NOX3: variants seen among roughly 807,000 people sequenced by gnomAD.
The protein encoded by NOX3 is NADPH oxidase catalytic subunit-like 3.
A neutral mutation model predicts 76.7 loss-of-function variants in NOX3; 74 were observed. The observed-to-expected ratio is 0.96, with a 90% CI of 0.80 to 1.17. NOX3 has a LOEUF of 1.17. Among genes scored for constraint, NOX3 ranks in the 50% most tolerant of loss-of-function variants. The pLI is 0.00. For synonymous variants in NOX3, 263 were observed against 261.1 expected (o/e 1.01, Z -0.07); for missense variants, 695 against 703.3 (o/e 0.99, Z 0.13).
chr6:155,441,142 A>T (rs1349191602), intron 5 of NOX3, among the ~76,000 whole-genome samples: 1 of 152,154 alleles, frequency 6.6e-6, no homozygotes, highest in Non-Finnish European at 1.5e-5. Flanking sequence ...TTTCATTGTG[A>T]GTTTCCCATG....
chr6:155,423,301 CT>C (rs1207797242), intron 9 of NOX3, among the ~76,000 whole-genome samples: 1 of 152,174 alleles, frequency 6.6e-6, no homozygotes, highest in African/African-American at 2.4e-5. Context: ...TCATTCTCCC[CT>C]GTTTACATTT....
rs761321329 is a variant in NOX3, at chr6:155,428,985, C to A, written c.954G>T (p.Ala318=). The A allele has an allele frequency of 5.6e-6, 9 of 1,612,616 alleles. No individual in the cohort carries two copies. Among genetic ancestry groups the A allele is most frequent in the Admixed American group, 5.0e-5 (3 of 59,928 alleles). Residue 318 remains alanine, a synonymous_variant, in exon 9 of 14, where the codon GCG becomes GCT. Transcript: ENST00000159060. ...LHMKKRGFKM[A]PGQYILVQCP... ...ACTGCACCAAGATGTACTGCCCTGG[C>A]GCCATTTTAAAGCCACGCTTTTTCA...
rs1439842517 is a variant in NOX3, at chr6:155,428,817, G to A, written c.1122C>T (p.Leu374=). 1 of 1,537,104 alleles carries A rather than the reference G, an allele frequency of 6.5e-7. No individual in the cohort carries two copies. Among genetic ancestry groups the A allele is most frequent in the Non-Finnish European group, 8.8e-7 (1 of 1,137,852 alleles). Residue 374 remains leucine, a synonymous_variant, in exon 9 of 14, where the codon CTC becomes CTT. Coordinates refer to ENST00000159060, the MANE Select transcript of NOX3 (RefSeq NM_015718.3). ...ACCTTGGCAGGCTCCAGGGCTCCTG[G>A]AGGGCCTGTCCCTCTGCCCCAAAGG... The part of the protein sequence containing the change: ...LEAFGAEGQA[L]QEPWSLPRLA...
intron 6 of NOX3, among the ~76,000 whole-genome samples, chr6:155,437,329 T>C (rs1317700988): frequency 2.6e-5 from 4 of 152,322 alleles, no homozygotes; most frequent in African/African-American, 9.6e-5. Context: ...CCTAGGTGTT[T>C]GTGAATGAAA....
intron 13 of NOX3, among the ~76,000 whole-genome samples, chr6:155,396,260 G>T (rs996516703): frequency 6.6e-6 from 1 of 152,116 alleles, no homozygotes; most frequent in Non-Finnish European, 1.5e-5. Context: ...TGATTTCTCC[G>T]GTCTACAGAG....
intron 12 of NOX3, among the ~76,000 whole-genome samples, chr6:155,398,265 G>T (rs1190942753): frequency 7.0e-6 from 1 of 143,008 alleles, no homozygotes; most frequent in East Asian, 2.1e-4. Flanking sequence ...AGGATCTCGG[G>T]TGGTGTTGAG....
In NOX3 at chr6:155,440,147, A is replaced by C. The variant is rs772004233; in HGVS notation, c.487-10T>G. ...ATTCAGTGGTTGTGTTCTAAAAAAA[A>C]CAACAACAACAAAAAAAGAAACAAA... On this transcript the variant is annotated splice_polypyrimidine_tract_variant and intron_variant, in intron 5 of 13. Transcript: ENST00000159060. The C allele has an allele frequency of 5.8e-6, 9 of 1,543,512 alleles. No homozygotes were observed. The highest frequency in any genetic ancestry group is 5.0e-5 in the South Asian group (4 of 80,718).
chr6:155,432,070 A>T (rs551417854), intron 7 of NOX3, among the ~76,000 whole-genome samples: 4 of 152,010 alleles, frequency 2.6e-5, no homozygotes, highest in African/African-American at 9.6e-5. Context: ...TAAAATTTTT[A>T]TTGTTTTCAA....
intron 5 of NOX3, among the ~76,000 whole-genome samples, chr6:155,441,991 G>A (rs1042393419): frequency 9.2e-5 from 14 of 152,156 alleles, no homozygotes; most frequent in African/African-American, 1.4e-4. Flanking sequence ...CAAGCCGAGC[G>A]CGGTGGCTCA....
intron 9 of NOX3, 92 bp from the exon 10 acceptor site, chr6:155,422,948 G>C (rs191838694): frequency 1.6e-6 from 2 of 1,280,382 alleles, no homozygotes; most frequent in East Asian, 2.3e-5. Flanking sequence ...TTTACAGGAC[G>C]TGTTTGCCAG....
In NOX3 at chr6:155,453,404, T is replaced by C. The variant is rs753762238; in HGVS notation, c.340A>G (p.Thr114Ala). The part of the protein sequence containing the change: ...LVAYGIAVNA[T>A]IHIVAHFFNL... ...CATTGAGCAATTAATAAGTACTTAC[T>C]TGCATTAACAGCTATCCCATAGGCG... The change falls in exon 4 of 14, where the codon ACC (threonine) becomes GCC (alanine). Residue 114 changes from threonine to alanine, a missense_variant and splice_region_variant. By Grantham distance (58) the Thr-to-Ala change is moderately conservative. Coordinates refer to ENST00000159060, the MANE Select transcript of NOX3 (RefSeq NM_015718.3). The C allele has an allele frequency of 3.7e-6, 6 of 1,605,782 alleles. No homozygotes were observed. The African/African-American group carries it at 8.0e-5, about 21-fold the overall frequency.
In NOX3 at chr6:155,396,829, C is replaced by G. The variant is rs760734551; in HGVS notation, c.*7G>C. 1 of 1,606,144 alleles carries G rather than the reference C, an allele frequency of 6.2e-7. No individual in the cohort carries two copies. The highest frequency in any genetic ancestry group is 8.5e-7 in the Non-Finnish European group (1 of 1,175,998). Reference sequence around the variant, plus strand: ...CTTACACAATGCCTGGACTTGACCTCCAAAGTCTAGAAGCTCTCCTTGTTG... The same window carrying G: ...CTTACACAATGCCTGGACTTGACCTGCAAAGTCTAGAAGCTCTCCTTGTTG... On this transcript the variant is annotated 3_prime_UTR_variant, in exon 13 of 14. Coordinates refer to ENST00000159060, the MANE Select transcript of NOX3 (RefSeq NM_015718.3).
chr6:155,448,956 C>T (rs1333712458), intron 4 of NOX3, among the ~76,000 whole-genome samples: 1 of 152,134 alleles, frequency 6.6e-6, no homozygotes. Flanking sequence ...GTAGAAGGAT[C>T]GTTGACTCTG....
intron 9 of NOX3, among the ~76,000 whole-genome samples, chr6:155,426,739 T>C (rs1192227461): frequency 6.6e-6 from 1 of 152,038 alleles, no homozygotes; most frequent in Non-Finnish European, 1.5e-5. Context: ...GGGGATCCTG[T>C]TGGAACTTGC....
At chr6:155,418,690 G>C (rs1776651326) in intron 10 of NOX3, among the ~76,000 whole-genome samples, 1 of 152,122 alleles carries the variant, frequency 6.6e-6, no homozygotes, top group Non-Finnish European at 1.5e-5. Context: ...TCCCACTGAG[G>C]AAGTGGCAGG....
intron 5 of NOX3, among the ~76,000 whole-genome samples, 194 bp from the exon 6 acceptor site, chr6:155,440,331 A>T (rs1283164044): frequency 6.6e-6 from 1 of 151,746 alleles, no homozygotes; most frequent in Non-Finnish European, 1.5e-5. Context: ...AAGCGAGCTT[A>T]CTCTTCCACC....
At chr6:155,420,504 G>T (rs931893868) in intron 10 of NOX3, among the ~76,000 whole-genome samples, 1 of 152,110 alleles carries the variant, frequency 6.6e-6, no homozygotes, top group Non-Finnish European at 1.5e-5. Flanking sequence ...AATATATTAT[G>T]GCGTAGAGGA....
Position 155,426,995 on chromosome 6 carries a change from G to GTGTGTGTGTGTGTGTA in NOX3, c.1145+1798_1145+1799insTACACACACACACACA, listed in dbSNP as rs374142750. On this transcript the variant is annotated intron_variant, in intron 9 of 13. Coordinates refer to ENST00000159060, the MANE Select transcript of NOX3 (RefSeq NM_015718.3). The stretch of plus-strand genomic sequence containing the variant: ...GTTAGACACTGTGGCGTGTGTGTGT[G>GTGTGTGTGTGTGTGTA]TGTGTGTGTGTGTGTGTGTGTGTGT... 1.1e-3 allele frequency among the ~76,000 whole-genome samples: 131 copies of GTGTGTGTGTGTGTGTA among 119,390 alleles called. 2 individuals are homozygous for GTGTGTGTGTGTGTGTA. The highest frequency in any genetic ancestry group is 4.2e-3 in the African/African-American group (120 of 28,786). 78.3% of individuals were successfully genotyped at this position (119,390 alleles called of 152,430 possible). A position where few individuals can be genotyped will look rare whatever the true frequency, so the allele number is the denominator to read the frequency against.
chr6:155,452,979 A>G (rs1377750358), intron 4 of NOX3, among the ~76,000 whole-genome samples: 1 of 152,232 alleles, frequency 6.6e-6, no homozygotes, highest in African/African-American at 2.4e-5. Flanking sequence ...AACTTGGCTC[A>G]CATGATCTTT....
Sources: allele counts gnomAD v4.1 joint callset (sites outside exome capture counted in the v4.1 genomes callset), GRCh38; gene constraint gnomAD v4.1.1; transcripts MANE v1.5; gene names NCBI Gene and HGNC (gene_info 2026-07-23, HGNC 2026-07-21).